Variants in NPSR1 observed in about 807,000 individuals in gnomAD.
NPSR1 encodes the protein neuropeptide S receptor.
A neutral mutation model predicts 46.9 loss-of-function variants in NPSR1; 48 were observed. The observed-to-expected ratio is 1.02, with a 90% CI of 0.81 to 1.30. The LOEUF is 1.30. Among genes scored for constraint, NPSR1 ranks in the 50% most tolerant of loss-of-function variants. The pLI, the probability that NPSR1 is intolerant of heterozygous loss-of-function variation, is 0.00. For synonymous variants in NPSR1, 176 were observed against 168.1 expected, an observed-to-expected ratio of 1.05 and a Z score of -0.36; for missense variants, 450 against 449.5, an observed-to-expected ratio of 1.00 and a Z score of -0.01.
intron 8 of NPSR1, chr7:34,849,293 T>C (rs1033761863): frequency 2.1e-6 from 3 of 1,457,206 alleles, no homozygotes; most frequent in African/African-American, 2.8e-5. Flanking sequence ...TTAACATCTG[T>C]AAACCTCAGC....
chr7:34,839,769 T>C (rs1790500783), intron 6 of NPSR1, among the ~76,000 whole-genome samples: 1 of 152,098 alleles, frequency 6.6e-6, no homozygotes, highest in Admixed American at 6.6e-5. Flanking sequence ...GCTAAGGTAC[T>C]CCTCAGCACC....
At chr7:34,824,442 G>A (rs1220553393) in intron 4 of NPSR1, among the ~76,000 whole-genome samples, 1 of 152,146 alleles carries the variant, frequency 6.6e-6, no homozygotes, top group Non-Finnish European at 1.5e-5. Context: ...GCCCTGAGAA[G>A]TCACTCTTCA....
chr7:34,730,132 T>G (rs533657166), intron 2 of NPSR1, among the ~76,000 whole-genome samples: 1 of 152,366 alleles, frequency 6.6e-6, no homozygotes, highest in South Asian at 2.1e-4. Context: ...ACAAGTTTAC[T>G]GAGTGACATT....
intron 2 of NPSR1, chr7:34,751,428 T>C (rs957100508): frequency 6.6e-6 from 7 of 1,053,232 alleles, no homozygotes; most frequent in Non-Finnish European, 9.0e-6. Flanking sequence ...AGGCAGCCAG[T>C]GTCTGTTTGC....
intron 2 of NPSR1, among the ~76,000 whole-genome samples, chr7:34,745,042 C>T (rs1204599117): frequency 2.0e-5 from 3 of 152,126 alleles, no homozygotes; most frequent in African/African-American, 4.8e-5. Flanking sequence ...GCAAACACAG[C>T]ATCATTTTAT....
At chr7:34,794,031 A>T (rs1788058620) in intron 3 of NPSR1, among the ~76,000 whole-genome samples, 2 of 152,142 alleles carry the variant, frequency 1.3e-5, no homozygotes, top group African/African-American at 4.8e-5. Context: ...ATCTCATAGA[A>T]GCTGAGAGTA....
chr7:34,827,779 G>A (rs1335179320), intron 5 of NPSR1, among the ~76,000 whole-genome samples, 177 bp downstream of exon 5: 1 of 152,214 alleles, frequency 6.6e-6, no homozygotes, highest in Non-Finnish European at 1.5e-5. Flanking sequence ...TTTCTTCAAA[G>A]TAGAGTAAGG....
At chr7:34,823,144 A>C (rs1789639136) in intron 4 of NPSR1, among the ~76,000 whole-genome samples, 1 of 152,148 alleles carries the variant, frequency 6.6e-6, no homozygotes, top group Non-Finnish European at 1.5e-5. Context: ...TAATCCCAGC[A>C]CTTCGGGAGG....
At chr7:34,828,529 T>C (rs1177738901) in intron 5 of NPSR1, among the ~76,000 whole-genome samples, 3 of 144,858 alleles carry the variant, frequency 2.1e-5, no homozygotes, top group Non-Finnish European at 4.6e-5. Context: ...GGTGGGAGAC[T>C]ACAGGAAGAG....
intron 5 of NPSR1, among the ~76,000 whole-genome samples, chr7:34,833,394 T>C (rs1790207713): frequency 6.6e-6 from 1 of 152,176 alleles, no homozygotes; most frequent in Non-Finnish European, 1.5e-5. Context: ...GATTAAATCA[T>C]GTAAGAATTG....
chr7:34,867,648 G>A (rs1439126126), intron 8 of NPSR1, among the ~76,000 whole-genome samples: 1 of 151,896 alleles, frequency 6.6e-6, no homozygotes, highest in Non-Finnish European at 1.5e-5. Flanking sequence ...GGAGCAACAG[G>A]GATGATTGAT....
intron 8 of NPSR1, 92 bp downstream of exon 8, chr7:34,848,755 G>T: frequency 8.9e-7 from 1 of 1,119,494 alleles, no homozygotes; most frequent in South Asian, 1.4e-5. Context: ...AAACTCTCCA[G>T]CAGGTTACAG....
chr7:34,806,356 C>T (rs1788698658), intron 3 of NPSR1, among the ~76,000 whole-genome samples: 1 of 152,050 alleles, frequency 6.6e-6, no homozygotes, highest in South Asian at 2.1e-4. Context: ...GGCTATCCAG[C>T]CATGAAAAGA....
intron 2 of NPSR1, among the ~76,000 whole-genome samples, chr7:34,730,064 G>A (rs34368766): frequency 6.6e-6 from 1 of 152,332 alleles, no homozygotes; most frequent in African/African-American, 2.4e-5. Context: ...ATGAGCCACC[G>A]TGCCTGGTCA....
intron 2 of NPSR1, among the ~76,000 whole-genome samples, chr7:34,757,139 T>C (rs1206638512): frequency 2.6e-5 from 4 of 152,156 alleles, no homozygotes; most frequent in Non-Finnish European, 4.4e-5. Context: ...TATATTTGTA[T>C]TGCACTTACA....
At chr7:34,827,628 C>T in intron 5 of NPSR1, 26 bp downstream of exon 5, 2 of 451,840 alleles carry the variant, frequency 4.4e-6, no homozygotes, top group South Asian at 3.7e-5. Context: ...GACAGGACCA[C>T]ACGGGGGGGT....
chr7:34,697,148 A>T (rs1216774310), intron 2 of NPSR1, among the ~76,000 whole-genome samples: 1 of 151,848 alleles, frequency 6.6e-6, no homozygotes, highest in Non-Finnish European at 1.5e-5. Context: ...TTTTTTTTAT[A>T]CTATTCTCTC....
chr7:34,678,259 A>G (rs1447481963), intron 1 of NPSR1, among the ~76,000 whole-genome samples: 1 of 118,216 alleles, frequency 8.5e-6, no homozygotes, highest in African/African-American at 3.4e-5. Context: ...GTCTCATTCT[A>G]TCTCCAGGCT....
intron 2 of NPSR1, among the ~76,000 whole-genome samples, chr7:34,709,924 T>C (rs574703848): frequency 5.0e-4 from 76 of 152,268 alleles, no homozygotes; most frequent in Non-Finnish European, 9.4e-4. Context: ...CATGAGCAGA[T>C]GGCAAACGTG....
Sources: allele counts gnomAD v4.1 joint callset (sites outside exome capture counted in the v4.1 genomes callset), GRCh38; gene constraint gnomAD v4.1.1; transcripts MANE v1.5; gene names NCBI Gene and HGNC (gene_info 2026-07-23, HGNC 2026-07-21).